The following PDK3 variants were observed in gnomAD, a reference collection of about 807,000 sequenced individuals.
PDK3 encodes pyruvate dehydrogenase kinase, isozyme 3.
Under a neutral mutation model 32.0 loss-of-function variants are expected in PDK3, and 12 were observed. That is an observed-to-expected ratio of 0.37 (90% CI 0.24 to 0.61). The LOEUF is 0.61. PDK3 is among the 20% of genes least tolerant of loss of function. PDK3 has a pLI of 0.65. For missense variants in PDK3, 188 were observed against 316.9 expected, an observed-to-expected ratio of 0.59 and a Z score of 3.09; for synonymous variants, 122 against 116.3, an observed-to-expected ratio of 1.05 and a Z score of -0.31.
At chrX:24,544,653 A>C (rs190768894) in exon 12 of PDK3, among the ~76,000 whole-genome samples, 24 of 112,019 alleles carry the variant, frequency 2.1e-4, no homozygotes, top group Non-Finnish European at 7.5e-5. Flanking sequence ...CAAATGCAAG[A>C]ACTCTTCTTC....
chrX:24,477,472 G>T (rs976826485), intron 1 of PDK3, among the ~76,000 whole-genome samples: 1 of 111,729 alleles, frequency 9.0e-6, no homozygotes, highest in Non-Finnish European at 1.9e-5. Flanking sequence ...CATTTGGAAA[G>T]AATTGCTATA....
At chrX:24,496,207 C>T (rs975876322) in intron 2 of PDK3, among the ~76,000 whole-genome samples, 2 of 110,767 alleles carry the variant, frequency 1.8e-5, no homozygotes, top group Admixed American at 1.9e-4. Flanking sequence ...TATACCTTCA[C>T]GTAGATTCAC....
At chrX:24,503,257 G>A in intron 3 of PDK3, 70 bp from the exon 4 acceptor site, 1 of 708,402 alleles carries the variant, frequency 1.4e-6, no homozygotes, top group Non-Finnish European at 2.0e-6. Context: ...TCTGGGGACA[G>A]AGCTGGGAAG....
At chrX:24,544,486 G>T (rs940910590) in exon 12 of PDK3, among the ~76,000 whole-genome samples, 1 of 111,863 alleles carries the variant, frequency 8.9e-6, no homozygotes, top group Non-Finnish European at 1.9e-5. Context: ...GCCTGTCCTC[G>T]TTTTTCTGGA....
At chrX:24,500,684 G>A (rs1335065311) in intron 3 of PDK3, among the ~76,000 whole-genome samples, 2 of 112,350 alleles carry the variant, frequency 1.8e-5, no homozygotes, top group Admixed American at 1.9e-4. Context: ...AGGAAGGAGT[G>A]AAAGGTGAGC....
intron 1 of PDK3, among the ~76,000 whole-genome samples, chrX:24,472,675 C>CTTTTTTTTT (rs761538432): frequency 2.1e-3 from 103 of 49,688 alleles, no homozygotes; most frequent in East Asian, 4.3e-3. Flanking sequence ...TTCTTTCTTT[C>CTTTTTTTTT]TTTTTTTTTT....
At chrX:24,550,203 A>G (rs1923072673) in exon 12 of PDK3, 1 of 112,001 alleles carries the variant, frequency 8.9e-6, no homozygotes, top group Non-Finnish European at 1.9e-5. Flanking sequence ...CCTCAGTTCT[A>G]TGCTGTTGTG....
At chrX:24,489,709 A>G (rs1043505909) in intron 1 of PDK3, among the ~76,000 whole-genome samples, 2 of 110,162 alleles carry the variant, frequency 1.8e-5, no homozygotes, top group African/African-American at 3.3e-5. Flanking sequence ...AAAAGAAAAA[A>G]AAAGAAATCA....
chrX:24,531,316 T>C (rs1922644992), intron 9 of PDK3, among the ~76,000 whole-genome samples: 2 of 111,789 alleles, frequency 1.8e-5, no homozygotes, highest in South Asian at 7.4e-4. Context: ...TGCCTCAGCC[T>C]CCCAAAGTGC....
chrX:24,544,251 T>G (rs759457610), exon 12 of PDK3, among the ~76,000 whole-genome samples: 6 of 110,868 alleles, frequency 5.4e-5, no homozygotes, highest in Non-Finnish European at 1.1e-4. Context: ...GGTGGCCGGG[T>G]CCCATTGGGA....
At chrX:24,527,480 T>C in intron 7 of PDK3, 94 bp from the exon 8 acceptor site, 1 of 510,279 alleles carries the variant, frequency 2.0e-6, no homozygotes, top group Non-Finnish European at 3.1e-6. Context: ...CAAAAAAGGG[T>C]TGTTGGGTAT....
chrX:24,509,506 ACACATG>A (rs907039713), intron 5 of PDK3, among the ~76,000 whole-genome samples: 1 of 110,619 alleles, frequency 9.0e-6, no homozygotes, highest in African/African-American at 3.3e-5. Context: ...ACATACACAT[ACACATG>A]CACACACACA....
At chrX:24,520,812 TTTTCC>T (rs2148198837) in intron 6 of PDK3, among the ~76,000 whole-genome samples, 2 of 112,350 alleles carry the variant, frequency 1.8e-5, no homozygotes, top group South Asian at 7.3e-4. Flanking sequence ...TATTTAACTG[TTTTCC>T]TATGGGTATA....
intron 3 of PDK3, among the ~76,000 whole-genome samples, chrX:24,501,670 C>T (rs939096979): frequency 1.8e-4 from 20 of 112,529 alleles, no homozygotes; most frequent in African/African-American, 6.5e-4. Flanking sequence ...CAAGATTGTG[C>T]CACTGCACTC....
At chrX:24,487,385 G>A (rs1283978404) in intron 1 of PDK3, among the ~76,000 whole-genome samples, 2 of 111,934 alleles carry the variant, frequency 1.8e-5, no homozygotes, top group African/African-American at 3.2e-5. Context: ...ACTAGACGGA[G>A]GGGGAAGTGG....
chrX:24,536,099 G>T (rs1471920331), downstream of PDK3, among the ~76,000 whole-genome samples: 1 of 111,098 alleles, frequency 9.0e-6, no homozygotes, highest in Admixed American at 9.5e-5. Context: ...AAACACTGTT[G>T]CAGAATTACA....
At chrX:24,469,669 C>T (rs1920973045) in intron 1 of PDK3, among the ~76,000 whole-genome samples, 1 of 110,221 alleles carries the variant, frequency 9.1e-6, no homozygotes, top group Non-Finnish European at 1.9e-5. Flanking sequence ...TATCGCACAC[C>T]TGGGGTCTTA....
intron 1 of PDK3, among the ~76,000 whole-genome samples, chrX:24,486,217 G>A (rs1921396051): frequency 9.0e-6 from 1 of 111,204 alleles, no homozygotes; most frequent in African/African-American, 3.3e-5. Flanking sequence ...AGGCCATGCG[G>A]CTGCTGTCTT....
intron 5 of PDK3, among the ~76,000 whole-genome samples, chrX:24,514,744 G>A (rs1922209576): frequency 1.8e-5 from 2 of 111,502 alleles, no homozygotes; most frequent in African/African-American, 6.5e-5. Flanking sequence ...TCCTGGGAGA[G>A]ATGAGTGGCA....
Sources: allele counts gnomAD v4.1 joint callset (sites outside exome capture counted in the v4.1 genomes callset), GRCh38; gene constraint gnomAD v4.1.1; transcripts MANE v1.5; gene names NCBI Gene and HGNC (gene_info 2026-07-23, HGNC 2026-07-21).